MCM2: variants seen among roughly 807,000 people sequenced by gnomAD.
MCM2 encodes the protein minichromosome maintenance complex component 2, also known as DNA replication licensing factor MCM2.
In MCM2, 49 loss-of-function variants were observed where a neutral mutation model predicts 86.4. The observed-to-expected ratio is 0.57, with a 90% CI of 0.45 to 0.72. MCM2 has a LOEUF of 0.72. Among genes scored for constraint, MCM2 ranks in the 30% least tolerant of loss-of-function variants. The pLI is 0.00. For missense variants in MCM2, 1,038 were observed against 1,259.9 expected (o/e 0.82, Z 2.67); for synonymous variants, 475 against 484.6 (o/e 0.98, Z 0.26).
intron 8 of MCM2, 70 bp from the exon 9 acceptor site, chr3:127,615,792 C>A (rs1349777516): frequency 8.9e-6 from 10 of 1,128,502 alleles, no homozygotes; most frequent in Admixed American, 6.8e-5. Flanking sequence ...TTCCCTGATG[C>A]CAGAGCATGT....
chr3:127,620,951 C>T (rs775433941), intron 14 of MCM2, 71 bp downstream of exon 14: 21 of 1,571,166 alleles, frequency 1.3e-5, no homozygotes, highest in Non-Finnish European at 1.8e-5. Flanking sequence ...GTATCCAGGG[C>T]TCTGGCCTGG....
At chr3:127,599,154 A>T in intron 1 of MCM2, 164 bp from the exon 2 acceptor site, 2 of 678,634 alleles carry the variant, frequency 2.9e-6, no homozygotes. Flanking sequence ...TCCAGGTGAG[A>T]GAACAGCAAG....
At chr3:127,603,044 ACT>A (rs574896298) in intron 2 of MCM2, among the ~76,000 whole-genome samples, 358 of 151,788 alleles carry the variant, frequency 2.4e-3, no homozygotes, top group Non-Finnish European at 4.7e-3. Flanking sequence ...ACAGAGTCTC[ACT>A]CTGTTGCCAG....
At position 127,620,733 on chromosome 3, in the gene MCM2, C is replaced by G; in HGVS notation, c.2301C>G (p.Ile767Met). 3 of 1,610,412 alleles carry G rather than the reference C, an allele frequency of 1.9e-6. No homozygotes were observed. Among genetic ancestry groups the G allele is most frequent in the African/African-American group, 2.7e-5 (2 of 75,006 alleles). The change falls in exon 14 of 16, where the codon ATC becomes ATG. Residue 767 changes from isoleucine to methionine, a missense_variant. This residue lies in a region of MCM2 where 336 missense variants were observed against 425.7 expected (regional missense o/e 0.79). Transcript: ENST00000265056. Reference sequence around the variant, plus strand: ...GCATCCCCATTACGGTGCGGCACATCGAGTCCATGATCCGCATGGCGGAGG... The same window carrying G: ...GCATCCCCATTACGGTGCGGCACATGGAGTCCATGATCCGCATGGCGGAGG... ...TGSIPITVRH[I>M]ESMIRMAEAH...
At chr3:127,613,493 T>C (rs911409275) in intron 8 of MCM2, among the ~76,000 whole-genome samples, 1 of 152,232 alleles carries the variant, frequency 6.6e-6, no homozygotes, top group Admixed American at 6.5e-5. Flanking sequence ...GTTTTACTGA[T>C]GAATAAACTA....
chr3:127,602,585 A>C (rs2074313459), intron 2 of MCM2, among the ~76,000 whole-genome samples: 1 of 152,228 alleles, frequency 6.6e-6, no homozygotes, highest in African/African-American at 2.4e-5. Flanking sequence ...ATGGAATGAC[A>C]GTGTCTCCTC....
chr3:127,599,353 G>C lies in MCM2; in HGVS notation c.42G>C (p.Pro14=), dbSNP rs376102107. 16 of 1,614,032 alleles carry C rather than the reference G, an allele frequency of 9.9e-6. No homozygotes were observed. Among genetic ancestry groups the C allele is most frequent in the East Asian group, 2.2e-5 (1 of 44,898 alleles). The change falls in exon 2 of 16, where the codon CCG becomes CCC. Residue 14 remains proline (P), a synonymous_variant. Transcript: ENST00000265056. ...AATCCTTCACCATGGCATCCAGCCC[G>C]GCCCAGCGTCGGCGAGGCAATGATC... ...SSESFTMASS[P]AQRRRGNDPL...
intron 6 of MCM2, among the ~76,000 whole-genome samples, chr3:127,607,067 T>G (rs1361197261): frequency 2.6e-5 from 4 of 152,246 alleles, no homozygotes; most frequent in African/African-American, 9.6e-5. Flanking sequence ...TACAAGTTTA[T>G]GGCTCCTCTT....
rs201217644 is a variant in MCM2 at position 127,619,154 on chromosome 3, C to T, written c.2141C>T (p.Pro714Leu). 1.9e-6 allele frequency: 3 copies of T among 1,614,160 alleles called. No individual in the cohort carries two copies. Among genetic ancestry groups the T allele is most frequent in the Non-Finnish European group, 2.5e-6 (3 of 1,180,036 alleles). Residue 714 changes from proline (P) to leucine (L), a missense_variant, in exon 13 of 16, where the codon CCC (proline) becomes CTC (leucine). This residue lies in a region of MCM2 where 336 missense variants were observed against 425.7 expected (regional missense o/e 0.79). Coordinates refer to ENST00000265056, the MANE Select transcript of MCM2 (RefSeq NM_004526.4). ...PAMPNTYGVE[P>L]LPQEVLKKYI... Reference sequence around the variant, plus strand: ...ATGCCCAACACGTATGGCGTGGAGCCCCTGCCCCAGGAGGTCCTGAAGAAG... The same window carrying T: ...ATGCCCAACACGTATGGCGTGGAGCTCCTGCCCCAGGAGGTCCTGAAGAAG...
intron 2 of MCM2, among the ~76,000 whole-genome samples, chr3:127,601,149 C>T (rs775063209): frequency 1.2e-4 from 19 of 152,116 alleles, no homozygotes; most frequent in Non-Finnish European, 2.5e-4. Context: ...ATTATATATG[C>T]ACTTTTGTGG....
chr3:127,601,884 G>C lies in MCM2; in HGVS notation c.236+2337G>C, dbSNP rs150195198. 6.8e-4 allele frequency among the ~76,000 whole-genome samples: 103 copies of C among 152,286 alleles called. 1 individual carries two copies. Among genetic ancestry groups the C allele is most frequent in the African/African-American group, 2.4e-3 (98 of 41,556 alleles). On this transcript the variant is annotated intron_variant, in intron 2 of 15. Transcript: ENST00000265056. ...TGGCCATCCCTGCAGGTGTGAAGTG[G>C]CATCTCATTCCTGATGGCTAATGAT...
rs775531941 is a variant in MCM2 at position 127,617,015 on chromosome 3, C to T, written c.1670C>T (p.Thr557Met). Residue 557 changes from threonine (T) to methionine (M), a missense_variant, in exon 10 of 16, where the codon ACG (threonine) becomes ATG (methionine). This residue lies in a region of MCM2 where 399 missense variants were observed against 507.2 expected (regional missense o/e 0.79). Coordinates refer to ENST00000265056, the MANE Select transcript of MCM2 (RefSeq NM_004526.4). This position sits in a 1 kb window ranked among gnomAD's most constrained non-coding sequence, Gnocchi z 4.1. ...CAGGGGGCGTCGGCTGTGGGCCTCA[C>T]GGCGTATGTCCAGCGGCACCCTGTC... ...TGQGASAVGLTAYVQRHPVSR... is the reference protein window; with the variant it reads ...TGQGASAVGLMAYVQRHPVSR... The T allele has an allele frequency of 8.7e-6, 14 of 1,614,076 alleles. No homozygotes were observed. The highest frequency in any genetic ancestry group is 1.7e-5 in the Admixed American group (1 of 60,008).
intron 8 of MCM2, among the ~76,000 whole-genome samples, chr3:127,613,115 G>A (rs1048874686): frequency 4.6e-5 from 7 of 152,218 alleles, no homozygotes; most frequent in African/African-American, 1.4e-4. Context: ...GTCCCACAGG[G>A]AAGTCCCCCT....
chr3:127,616,444 G>A (rs750597583), intron 9 of MCM2, among the ~76,000 whole-genome samples: 52 of 152,200 alleles, frequency 3.4e-4, no homozygotes, highest in African/African-American at 9.9e-4. Context: ...CAAGCGCAGC[G>A]TCCCCTGTGT....
rs1439921095 is a variant in MCM2 at position 127,608,425 on chromosome 3, C to T, written c.1145C>T (p.Pro382Leu). ...CAGCGTATCCGAATCCAGGAGAGTC[C>T]AGGCAAAGTGGCGGCTGGCCGGCTG... ...NYQRIRIQES[P>L]GKVAAGRLPR... The change falls in exon 7 of 16, where the codon CCA becomes CTA. Residue 382 changes from proline (P) to leucine (L), a missense_variant. By Grantham distance (98) the Pro-to-Leu change is moderately conservative. Around this residue, in one of 4 missense-constraint regions of MCM2, gnomAD observed 399 missense variants for 507.2 expected, o/e 0.79. Transcript: ENST00000265056. 1 of 1,614,216 alleles carries T rather than the reference C, an allele frequency of 6.2e-7. No homozygotes were observed. The highest frequency in any genetic ancestry group is 1.1e-5 in the South Asian group (1 of 91,084).
chr3:127,616,929 G>A lies in MCM2; in HGVS notation c.1584G>A (p.Ala528=), dbSNP rs1398048596. 1.2e-6 allele frequency: 2 copies of A among 1,614,172 alleles called. No homozygotes were observed. Among genetic ancestry groups the A allele is most frequent in the Non-Finnish European group, 8.5e-7 (1 of 1,180,042 alleles). ...NVLLCGDPGT[A]KSQFLKYIEK... is the part of the protein sequence containing the mutation. ...TCTTGTGCGGAGACCCTGGCACAGCGAAGTCGCAGTTTCTCAAGTATATTG... is the reference window on the plus strand; with the variant it reads ...TCTTGTGCGGAGACCCTGGCACAGCAAAGTCGCAGTTTCTCAAGTATATTG... Residue 528 remains alanine, a synonymous_variant, in exon 10 of 16, where the codon GCG becomes GCA. Transcript: ENST00000265056.
chr3:127,609,729 G>GCTGTTT (rs577471059), intron 8 of MCM2, among the ~76,000 whole-genome samples: 16 of 151,216 alleles, frequency 1.1e-4, no homozygotes, highest in Non-Finnish European at 1.8e-4. Context: ...AAAACCCTTT[G>GCTGTTT]CTGTTTCTCC....
chr3:127,607,387 G>T (rs1021996066), intron 6 of MCM2, among the ~76,000 whole-genome samples: 3 of 152,226 alleles, frequency 2.0e-5, no homozygotes, highest in Non-Finnish European at 4.4e-5. Context: ...TGGCGCCCAG[G>T]CCCCTTGACT....
chr3:127,600,438 G>A (rs756879869), intron 2 of MCM2, among the ~76,000 whole-genome samples: 12 of 152,172 alleles, frequency 7.9e-5, no homozygotes, highest in Admixed American at 1.3e-4. Context: ...TGAATGCCCA[G>A]GAGCCTCGTG....
Sources: allele counts gnomAD v4.1 joint callset (sites outside exome capture counted in the v4.1 genomes callset), GRCh38; gene constraint gnomAD v4.1.1; regional missense constraint gnomAD v4.1.1; non-coding constraint Gnocchi (gnomAD v3.1); transcripts MANE v1.5; gene names NCBI Gene and HGNC (gene_info 2026-07-23, HGNC 2026-07-21).